Variants in CTNND1 observed in about 807,000 individuals in gnomAD.
The protein encoded by CTNND1 is catenin delta 1, also known as catenin delta-1.
Under a neutral mutation model 112.1 loss-of-function variants are expected in CTNND1, and 16 were observed. The ratio of observed to expected loss-of-function variants is 0.14; its 90% CI spans 0.10 to 0.22. CTNND1 has a LOEUF of 0.22. Among genes scored for constraint, CTNND1 ranks in the 10% least tolerant of loss-of-function variants. CTNND1 has a pLI of 1.00. For missense variants in CTNND1, 1,008 were observed against 1,257.0 expected, an observed-to-expected ratio of 0.80 and a Z score of 3.00; for synonymous variants, 420 against 446.5, an observed-to-expected ratio of 0.94 and a Z score of 0.75.
At position 57,811,442 on chromosome 11, in the gene CTNND1, A is replaced by G. The variant is rs1430518896; in HGVS notation, c.2594A>G (p.Tyr865Cys). 2 of 1,613,730 alleles carry G rather than the reference A, an allele frequency of 1.2e-6. No individual in the cohort carries two copies. The highest frequency in any genetic ancestry group is 1.7e-5 in the Admixed American group (1 of 59,928). The change falls in exon 17 of 21, where the codon TAT (tyrosine) becomes TGT (cysteine). Residue 865 changes from tyrosine (Y) to cysteine (C), a missense_variant. By Grantham distance (194) the Tyr-to-Cys change is radical. This residue lies in a region of CTNND1 where 28 missense variants were observed against 60.6 expected (regional missense o/e 0.46). Coordinates refer to ENST00000399050, the MANE Select transcript of CTNND1 (RefSeq NM_001085458.2). Reference protein sequence around the residue: ...NASRSQSSHSYDDSTLPLIDR... With the variant: ...NASRSQSSHSCDDSTLPLIDR... ...TCCCGAAGCCAGAGCAGTCATTCAT[A>G]TGATGATAGTACTCTCCCTCTCATT... is the stretch of plus-strand genomic sequence containing the variant.
At chr11:57,798,061 A>G (rs1398728276) in intron 6 of CTNND1, among the ~76,000 whole-genome samples, 1 of 151,836 alleles carries the variant, frequency 6.6e-6, no homozygotes, top group African/African-American at 2.4e-5. Flanking sequence ...TATTAAGAAC[A>G]GAGTCCATTG....
At chr11:57,782,970 A>G (rs1440370135) in intron 1 of CTNND1, among the ~76,000 whole-genome samples, 1 of 152,242 alleles carries the variant, frequency 6.6e-6, no homozygotes, top group East Asian at 1.9e-4. Context: ...GAGAAATACT[A>G]GAACTGTTCT....
At chr11:57,808,911 G>A (rs1404775673) in intron 14 of CTNND1, among the ~76,000 whole-genome samples, 4 of 152,110 alleles carry the variant, frequency 2.6e-5, no homozygotes, top group African/African-American at 9.7e-5. Context: ...AATGTAGCTA[G>A]TTAGTAGCAG....
At chr11:57,790,385 C>CTT (rs1274143869) in intron 2 of CTNND1, among the ~76,000 whole-genome samples, 1 of 139,664 alleles carries the variant, frequency 7.2e-6, no homozygotes, top group Non-Finnish European at 1.6e-5. Flanking sequence ...TTCTTTCTTT[C>CTT]TTTTTTTTTT....
chr11:57,803,183 C>T (rs1410465112), intron 7 of CTNND1, among the ~76,000 whole-genome samples: 2 of 152,226 alleles, frequency 1.3e-5, no homozygotes, highest in Admixed American at 1.3e-4. Context: ...TCTCAGCTCA[C>T]CGCAAGCTCC....
intron 17 of CTNND1, among the ~76,000 whole-genome samples, chr11:57,811,904 A>G (rs2063408456): frequency 1.3e-5 from 2 of 152,246 alleles, no homozygotes; most frequent in African/African-American, 4.8e-5. Flanking sequence ...AAACATTTTT[A>G]TCATGTGAGT....
Position 57,819,118 on chromosome 11 carries a change from A to G in CTNND1, c.*2810A>G, listed in dbSNP as rs1367987356. 1 of 152,202 alleles carries G rather than the reference A, an allele frequency of 6.6e-6. No individual in the cohort carries two copies. 9.4% of individuals were successfully genotyped at this position (152,202 alleles called of 1,614,324 possible). On this transcript the variant is annotated 3_prime_UTR_variant, in exon 21 of 21. Transcript: ENST00000399050. ...GTCATATAATTAAAGACTCAAGAGA[A>G]TTTATGTGAAATGCTTTCTGTATGC... is the stretch of plus-strand genomic sequence containing the variant.
intron 1 of CTNND1, among the ~76,000 whole-genome samples, chr11:57,768,663 G>A (rs879855828): frequency 4.6e-5 from 7 of 151,984 alleles, no homozygotes; most frequent in Non-Finnish European, 8.8e-5. Flanking sequence ...AAAGTGCTGG[G>A]ATTACAGGCG....
chr11:57,784,794 T>G (rs1361081972), intron 1 of CTNND1, among the ~76,000 whole-genome samples: 1 of 152,138 alleles, frequency 6.6e-6, no homozygotes, highest in Non-Finnish European at 1.5e-5. Context: ...GCATGAGCCG[T>G]GGTGCCCGGC....
chr11:57,774,554 T>A (rs1565285954), intron 1 of CTNND1, among the ~76,000 whole-genome samples: 2 of 152,210 alleles, frequency 1.3e-5, no homozygotes, highest in African/African-American at 4.8e-5. Flanking sequence ...TGAATAATGA[T>A]CTGAGCTGTC....
In CTNND1 at chr11:57,791,532, A is replaced by G. The variant is rs978875993; in HGVS notation, c.54A>G (p.Glu18=). 31 of 1,606,624 alleles carry G rather than the reference A, an allele frequency of 1.9e-5. No homozygotes were observed. The highest frequency in any genetic ancestry group is 2.6e-5 in the Non-Finnish European group (31 of 1,176,964). The change falls in exon 3 of 21, where the codon GAA becomes GAG. Residue 18 remains glutamate (E), a synonymous_variant. Transcript: ENST00000399050. ...CCAGCATCTTGGCCTCTGTGAAGGA[A>G]CAAGAGGCCCAGTTTGAGAAGCTGA... is the stretch of plus-strand genomic sequence containing the variant. The part of the protein sequence containing the change: ...STASILASVK[E]QEAQFEKLTR...
At chr11:57,777,522 G>A (rs970142858) in intron 1 of CTNND1, among the ~76,000 whole-genome samples, 3 of 152,088 alleles carry the variant, frequency 2.0e-5, no homozygotes, top group Non-Finnish European at 2.9e-5. Context: ...TGCCTGCTTC[G>A]GCCTCCCAAA....
At position 57,788,690 on chromosome 11, in the gene CTNND1, AG is replaced by A. The variant is rs1164649497; in HGVS notation, c.-213-344del. ...CCTTAGGGGTGGGAAGGGAGGGGGA[AG>A]GGCATTCCAACAGCAGTTTTTTTCT... is the stretch of plus-strand genomic sequence containing the variant. On this transcript the variant is annotated intron_variant, in intron 1 of 20. Transcript: ENST00000399050. The surrounding 1 kb of genome is among the most constrained non-coding windows in gnomAD (Gnocchi z 4.1). Among the ~76,000 whole-genome samples the A allele has an allele frequency of 6.6e-6, 1 of 152,240 alleles. No homozygotes were observed. Among genetic ancestry groups the A allele is most frequent in the East Asian group, 1.9e-4 (1 of 5,180 alleles).
In CTNND1 at chr11:57,761,958, C is replaced by G; in HGVS notation, c.-375C>G. ...GGAGGAAGAGGTGGCGAAAAATCAA[C>G]TGCCCTGCTGGATTTGTCTTTCTCA... On this transcript the variant is annotated 5_prime_UTR_variant, in exon 1 of 21. Coordinates refer to ENST00000399050, the MANE Select transcript of CTNND1 (RefSeq NM_001085458.2). The G allele has an allele frequency of 1.0e-6, 1 of 985,462 alleles. No homozygotes were observed. Among genetic ancestry groups the G allele is most frequent in the Non-Finnish European group, 1.2e-6 (1 of 829,952 alleles). The allele number at this position is 985,462 out of a possible 1,614,324, so 61.0% of individuals were successfully genotyped here. A position where few individuals can be genotyped will look rare whatever the true frequency, so the allele number is the denominator to read the frequency against.
At chr11:57,811,350 G>T in intron 16 of CTNND1, 49 bp from the exon 17 acceptor site, 1 of 1,460,292 alleles carries the variant, frequency 6.8e-7, no homozygotes, top group South Asian at 1.2e-5. Context: ...GCATAAGATA[G>T]GGTGAATTCA....
At position 57,814,476 on chromosome 11, in the gene CTNND1, A is replaced by G. The variant is rs867690815; in HGVS notation, c.2701+103A>G. ...TTTTCTAATACCCTTACCATTTACC[A>G]TCCTGGGAGAGCATTGGCTGATCAT... On this transcript the variant is annotated intron_variant, in intron 18 of 20. Transcript: ENST00000399050. 9 of 773,080 alleles carry G rather than the reference A, an allele frequency of 1.2e-5. No homozygotes were observed. In the Middle Eastern group the frequency reaches 1.9e-3, roughly 160 times the overall value. The allele number at this position is 773,080 out of a possible 1,614,324, so 47.9% of individuals were successfully genotyped here.
intron 9 of CTNND1, 134 bp from the exon 10 acceptor site, chr11:57,805,748 G>A: frequency 1.0e-6 from 1 of 995,946 alleles, no homozygotes; most frequent in Non-Finnish European, 1.4e-6. Context: ...CACTTAAGAG[G>A]CATCCTGAGA....
chr11:57,804,795 AC>A lies in CTNND1; in HGVS notation c.1722+17del. 6.4e-7 allele frequency: 1 copy of A among 1,572,354 alleles called. No individual in the cohort carries two copies. Among genetic ancestry groups the A allele is most frequent in the African/African-American group, 1.3e-5 (1 of 74,268 alleles). On this transcript the variant is annotated intron_variant, in intron 9 of 20. Transcript: ENST00000399050. The stretch of plus-strand genomic sequence containing the variant: ...CAGACAGCAAGGTAAGTGCTGTCTT[AC>A]CTTTAATGGCTGAGTGAATTTCATT...
intron 1 of CTNND1, among the ~76,000 whole-genome samples, chr11:57,769,662 G>T (rs574843257): frequency 1.3e-5 from 2 of 150,746 alleles, no homozygotes; most frequent in East Asian, 1.9e-4. Context: ...TTTCCCTTTA[G>T]GTTTTCCCTT....
Sources: gnomAD v4.1 joint callset for allele counts (sites outside exome capture counted in the v4.1 genomes callset) on GRCh38, gnomAD v4.1.1 for gene constraint, gnomAD v4.1.1 regional missense constraint, Gnocchi (gnomAD v3.1) non-coding constraint, MANE v1.5 for transcripts, NCBI Gene and HGNC (gene_info 2026-07-23, HGNC 2026-07-21) for gene names.